The following ESRRG variants were observed in gnomAD, a reference collection of about 807,000 sequenced individuals.
ESRRG encodes the protein estrogen-related receptor gamma.
Under a neutral mutation model 44.0 loss-of-function variants are expected in ESRRG, and 13 were observed. The observed-to-expected ratio is 0.30, with a 90% CI of 0.19 to 0.47. The LOEUF (loss-of-function observed/expected upper bound fraction) is 0.47. ESRRG is among the 20% of genes least tolerant of loss of function. ESRRG has a pLI of 1.00. For missense variants in ESRRG, 395 were observed against 580.6 expected (o/e 0.68, Z 3.29); for synonymous variants, 215 against 214.6 (o/e 1.00, Z -0.02).
At chr1:216,513,536 C>A (rs919222350) in intron 6 of ESRRG, among the ~76,000 whole-genome samples, 1 of 152,022 alleles carries the variant, frequency 6.6e-6, no homozygotes, top group South Asian at 2.1e-4. Context: ...CTTGCTGTGG[C>A]TAAAAAGCTA....
In ESRRG at chr1:217,102,925, C is replaced by T. The variant is rs978658926; in HGVS notation, c.-230+34742G>A. 9.9e-5 allele frequency among the ~76,000 whole-genome samples: 15 copies of T among 152,018 alleles called. No individual in the cohort carries two copies. The East Asian group carries it at 1.9e-3, about 20-fold the overall frequency. ...CAAGCTGAGAGGCTTATACAGTCAG[C>T]GAGGCAGCTGATGGGGGAGAGAGAA... On this transcript the variant is annotated intron_variant, in intron 1 of 8. Transcript: ENST00000366940.
chr1:216,634,321 A>G (rs901569945), intron 3 of ESRRG, among the ~76,000 whole-genome samples: 53 of 152,296 alleles, frequency 3.5e-4, no homozygotes, highest in African/African-American at 1.2e-3. Context: ...GTATTCAAAG[A>G]CTTGTAAATT....
At chr1:216,676,616 G>T (rs1324699550) in intron 2 of ESRRG, among the ~76,000 whole-genome samples, 4 of 152,106 alleles carry the variant, frequency 2.6e-5, no homozygotes, top group African/African-American at 7.2e-5. Flanking sequence ...AGAAATTCTG[G>T]AGGTAGGACC....
intron 1 of ESRRG, among the ~76,000 whole-genome samples, chr1:216,981,070 G>A (rs1014758790): frequency 4.6e-5 from 7 of 152,012 alleles, no homozygotes; most frequent in Admixed American, 2.6e-4. Context: ...CACTAATTAC[G>A]TAGCAGAGTA....
At chr1:216,683,686 C>A (rs1316975219) in intron 1 of ESRRG, among the ~76,000 whole-genome samples, 5 of 152,200 alleles carry the variant, frequency 3.3e-5, no homozygotes, top group Non-Finnish European at 7.3e-5. Flanking sequence ...AGACCTTCAA[C>A]TCATTTCTGG....
chr1:216,546,807 C>T (rs1031508886), intron 5 of ESRRG, among the ~76,000 whole-genome samples: 1 of 133,264 alleles, frequency 7.5e-6, no homozygotes, highest in African/African-American at 2.6e-5. Flanking sequence ...CCTCTGCTAT[C>T]TCTTTATATA....
At chr1:216,570,809 G>A (rs912536852) in intron 3 of ESRRG, among the ~76,000 whole-genome samples, 1 of 152,166 alleles carries the variant, frequency 6.6e-6, no homozygotes. Context: ...CAAGAAAGCT[G>A]ACAGAATAAA....
chr1:216,529,791 T>A (rs888514171), intron 5 of ESRRG, among the ~76,000 whole-genome samples: 3 of 152,134 alleles, frequency 2.0e-5, no homozygotes, highest in Non-Finnish European at 4.4e-5. Context: ...CTTGGGAATA[T>A]CCCACAATTA....
intron 1 of ESRRG, among the ~76,000 whole-genome samples, chr1:217,124,888 G>A (rs533597218): frequency 6.6e-6 from 1 of 152,298 alleles, no homozygotes; most frequent in East Asian, 1.9e-4. Flanking sequence ...TGTGTAAAGA[G>A]ATGGTATATG....
intron 1 of ESRRG, among the ~76,000 whole-genome samples, chr1:217,130,231 C>T (rs1457251752): frequency 6.6e-6 from 1 of 152,012 alleles, no homozygotes; most frequent in Admixed American, 6.6e-5. Context: ...TGCAACTTTA[C>T]TTATTTACCT....
At chr1:216,897,018 G>A (rs1267158601) in intron 2 of ESRRG, among the ~76,000 whole-genome samples, 2 of 152,172 alleles carry the variant, frequency 1.3e-5, no homozygotes, top group African/African-American at 4.8e-5. Context: ...TGGAATGTCT[G>A]AGAAGATGAA....
At chr1:217,117,201 G>C (rs1580617930) in intron 1 of ESRRG, among the ~76,000 whole-genome samples, 1 of 152,112 alleles carries the variant, frequency 6.6e-6, no homozygotes, top group East Asian at 1.9e-4. Flanking sequence ...CTAAGCCCCA[G>C]CTTAGTTATA....
At chr1:217,106,955 A>G (rs1469600344) in intron 1 of ESRRG, among the ~76,000 whole-genome samples, 1 of 152,180 alleles carries the variant, frequency 6.6e-6, no homozygotes, top group Non-Finnish European at 1.5e-5. Flanking sequence ...TCAGTTCGTC[A>G]CCTACCTGGA....
intron 6 of ESRRG, among the ~76,000 whole-genome samples, chr1:216,514,919 C>T (rs2043754785): frequency 1.3e-5 from 2 of 151,630 alleles, no homozygotes; most frequent in African/African-American, 4.8e-5. Flanking sequence ...CTAATTTAGT[C>T]AAAATTTTGT....
At chr1:216,933,485 G>T (rs1022142447) in intron 2 of ESRRG, among the ~76,000 whole-genome samples, 3 of 152,020 alleles carry the variant, frequency 2.0e-5, no homozygotes, top group Non-Finnish European at 4.4e-5. Flanking sequence ...AATTTCTGTG[G>T]TGTAAATACT....
At chr1:216,912,974 T>A (rs1053080962) in intron 2 of ESRRG, among the ~76,000 whole-genome samples, 6 of 151,502 alleles carry the variant, frequency 4.0e-5, no homozygotes, top group African/African-American at 1.2e-4. Context: ...ATACCAAAAA[T>A]TAGCTGGGCG....
intron 5 of ESRRG, among the ~76,000 whole-genome samples, chr1:216,553,630 C>G (rs2056906412): frequency 6.6e-6 from 1 of 152,086 alleles, no homozygotes; most frequent in African/African-American, 2.4e-5. Flanking sequence ...TCAGAATTAT[C>G]ATGGATGGGG....
chr1:216,829,393 G>A (rs1009333789), intron 2 of ESRRG, among the ~76,000 whole-genome samples: 2 of 152,024 alleles, frequency 1.3e-5, no homozygotes, highest in African/African-American at 4.8e-5. Context: ...TCTCCATTTA[G>A]TTCCTTACAA....
At chr1:216,901,871 G>GC (rs963245761) in intron 2 of ESRRG, among the ~76,000 whole-genome samples, 23 of 151,998 alleles carry the variant, frequency 1.5e-4, no homozygotes, top group African/African-American at 5.6e-4. Flanking sequence ...TCCTGCCTCA[G>GC]CCCCCCAAGC....
Sources: gnomAD v4.1 joint callset for allele counts (sites outside exome capture counted in the v4.1 genomes callset) on GRCh38, gnomAD v4.1.1 for gene constraint, MANE v1.5 for transcripts, NCBI Gene and HGNC (gene_info 2026-07-23, HGNC 2026-07-21) for gene names.